LANCL1: variants seen among roughly 807,000 people sequenced by gnomAD.
LANCL1 encodes LanC like glutathione S-transferase 1.
LANCL1 carries 50 observed loss-of-function variants against 50.6 expected under a neutral mutation model. The ratio of observed to expected loss-of-function variants is 0.99; its 90% CI spans 0.79 to 1.25. The LOEUF (loss-of-function observed/expected upper bound fraction) is 1.25. Ranked by LOEUF, LANCL1 falls within the 50% of genes most tolerant of loss-of-function variation. LANCL1 has a pLI of 0.00. For missense variants in LANCL1, 532 were observed against 480.7 expected (o/e 1.11, Z -1.00); for synonymous variants, 188 against 178.6 (o/e 1.05, Z -0.42).
intron 1 of LANCL1, 52 bp downstream of exon 1, chr2:210,476,568 A>C: frequency 6.5e-6 from 9 of 1,391,986 alleles, no homozygotes; most frequent in Non-Finnish European, 7.5e-6. Flanking sequence ...CTGCGGCCCA[A>C]CTGCTAGGAC....
intron 4 of LANCL1, among the ~76,000 whole-genome samples, chr2:210,445,074 A>G (rs1693271647): frequency 6.6e-6 from 1 of 152,260 alleles, no homozygotes; most frequent in Admixed American, 6.5e-5. Flanking sequence ...CCTATTTTTA[A>G]TATAAATGTG....
intron 3 of LANCL1, among the ~76,000 whole-genome samples, chr2:210,456,430 A>G (rs1693676624): frequency 6.6e-6 from 1 of 152,186 alleles, no homozygotes; most frequent in Non-Finnish European, 1.5e-5. Context: ...TCACATGTAT[A>G]TTAAGGCCAA....
chr2:210,451,115 G>C (rs1317636617), intron 4 of LANCL1, among the ~76,000 whole-genome samples: 1 of 152,208 alleles, frequency 6.6e-6, no homozygotes, highest in Non-Finnish European at 1.5e-5. Context: ...TAAAGAAAAT[G>C]TAGCACATAT....
intron 3 of LANCL1, among the ~76,000 whole-genome samples, chr2:210,463,108 T>A (rs1693918959): frequency 6.6e-6 from 1 of 152,216 alleles, no homozygotes; most frequent in African/African-American, 2.4e-5. Flanking sequence ...CTTAACATTG[T>A]CACTAGCTCT....
intron 6 of LANCL1, 70 bp from the exon 7 acceptor site, chr2:210,437,942 A>C: frequency 8.8e-7 from 1 of 1,139,324 alleles, no homozygotes; most frequent in Non-Finnish European, 1.2e-6. Flanking sequence ...GTATATTTAA[A>C]CCAGAAAAAA....
chr2:210,440,916 T>C lies in LANCL1; in HGVS notation c.544-172A>G, dbSNP rs557405152. Among the ~76,000 whole-genome samples the C allele has an allele frequency of 2.0e-5, 3 of 152,334 alleles. No individual in the cohort carries two copies. The South Asian group carries it at 6.2e-4, about 32-fold the overall frequency. On this transcript the variant is annotated intron_variant, in intron 5 of 9. Transcript: ENST00000450366. ...CATCAGAGAAGTGTGTGGGACTGTA[T>C]TTAGCCTAGAAGGGGGAGGGCGTAG...
chr2:210,452,265 G>A (rs984527847), intron 4 of LANCL1, among the ~76,000 whole-genome samples: 5 of 149,680 alleles, frequency 3.3e-5, no homozygotes, highest in South Asian at 4.2e-4. Flanking sequence ...TTACTGACTC[G>A]TCACACTACA....
intron 3 of LANCL1, among the ~76,000 whole-genome samples, chr2:210,470,926 TA>T (rs1694204135): frequency 6.6e-6 from 1 of 152,098 alleles, no homozygotes; most frequent in South Asian, 2.1e-4. Flanking sequence ...GCCCACTCTT[TA>T]AAGCGAATGG....
At chr2:210,467,153 G>A (rs2105923175) in intron 3 of LANCL1, among the ~76,000 whole-genome samples, 1 of 152,326 alleles carries the variant, frequency 6.6e-6, no homozygotes, top group South Asian at 2.1e-4. Flanking sequence ...AAAGGGTTTT[G>A]ATTATTCAAT....
chr2:210,462,396 C>T (rs1021384483), intron 3 of LANCL1, among the ~76,000 whole-genome samples: 3 of 152,180 alleles, frequency 2.0e-5, no homozygotes, highest in African/African-American at 7.2e-5. Context: ...ATATGTCATA[C>T]ATCAATATCA....
Position 210,471,971 on chromosome 2 carries a change from T to C in LANCL1, c.187A>G (p.Thr63Ala). Residue 63 changes from threonine (T) to alanine (A), a missense_variant, in exon 3 of 10, where the codon ACT (threonine) becomes GCT (alanine). Coordinates refer to ENST00000450366, the MANE Select transcript of LANCL1 (RefSeq NM_006055.3). ...SADPRDGTGYTGWAGIAVLYL... is the reference protein window; with the variant it reads ...SADPRDGTGYAGWAGIAVLYL... ...CAGCACTTCATACCTGCCCAGCCAG[T>C]GTAACCGGTGCCATCCCGAGGGTCT... 3 of 1,612,408 alleles carry C rather than the reference T, an allele frequency of 1.9e-6. No homozygotes were observed. The highest frequency in any genetic ancestry group is 2.5e-6 in the Non-Finnish European group (3 of 1,178,378).
chr2:210,476,700 C>A lies in LANCL1; in HGVS notation c.-97G>T. 8.5e-7 allele frequency: 1 copy of A among 1,180,840 alleles called. No homozygotes were observed. Among genetic ancestry groups the A allele is most frequent in the Non-Finnish European group, 1.1e-6 (1 of 950,316 alleles). The allele number at this position is 1,180,840 out of a possible 1,614,324, so 73.1% of individuals were successfully genotyped here. A position where few individuals can be genotyped will look rare whatever the true frequency, so the allele number is the denominator to read the frequency against. ...AGTGCGCCTCCCGCGTCCTGAAGCC[C>A]TTCTCGGCCCTGGCCTCTCACCCCG... On this transcript the variant is annotated 5_prime_UTR_variant, in exon 1 of 10. It adds an upstream start codon to the 5' untranslated region. Transcript: ENST00000450366.
At chr2:210,476,292 C>T in intron 2 of LANCL1, 24 bp downstream of exon 2, 1 of 1,567,278 alleles carries the variant, frequency 6.4e-7, no homozygotes, top group Non-Finnish European at 8.8e-7. Flanking sequence ...GGCAGGGATG[C>T]AGGCAGACAT....
At chr2:210,456,694 A>C (rs1296008848) in intron 3 of LANCL1, among the ~76,000 whole-genome samples, 2 of 152,160 alleles carry the variant, frequency 1.3e-5, no homozygotes, top group African/African-American at 4.8e-5. Context: ...GATCCATTTA[A>C]ATTGTTAACC....
intron 4 of LANCL1, among the ~76,000 whole-genome samples, chr2:210,453,115 G>A (rs543726790): frequency 2.7e-4 from 41 of 152,088 alleles, no homozygotes; most frequent in Admixed American, 7.9e-4. Flanking sequence ...GCCACAAATA[G>A]TGTATTTTCC....
At chr2:210,475,333 T>G (rs1480016814) in intron 2 of LANCL1, among the ~76,000 whole-genome samples, 1 of 152,144 alleles carries the variant, frequency 6.6e-6, no homozygotes, top group Non-Finnish European at 1.5e-5. Flanking sequence ...CAAAACTAAA[T>G]TTTATTTTTT....
At chr2:210,435,893 C>CTTT (rs71043994) in intron 8 of LANCL1, among the ~76,000 whole-genome samples, 1,259 of 64,280 alleles carry the variant, frequency 0.02, 16 homozygotes, top group Non-Finnish European at 0.026. Flanking sequence ...GGGAGACCTG[C>CTTT]TTTTTTTTTT....
chr2:210,435,317 ATACAT>A, intron 9 of LANCL1, 65 bp downstream of exon 9: 1 of 1,246,114 alleles, frequency 8.0e-7, no homozygotes, highest in African/African-American at 1.5e-5. Flanking sequence ...TAAAACTTAA[ATACAT>A]TAATTACCAA....
At chr2:210,441,124 G>T (rs1049708935) in intron 5 of LANCL1, among the ~76,000 whole-genome samples, 184 bp downstream of exon 5, 1 of 152,196 alleles carries the variant, frequency 6.6e-6, no homozygotes, top group Admixed American at 6.5e-5. Flanking sequence ...TCTTGAGACA[G>T]AAATGTTTCC....
Sources: gnomAD v4.1 joint callset for allele counts (sites outside exome capture counted in the v4.1 genomes callset) on GRCh38, gnomAD v4.1.1 for gene constraint, MANE v1.5 for transcripts, NCBI Gene and HGNC (gene_info 2026-07-23, HGNC 2026-07-21) for gene names.